The following SLC35G2 variants were observed in gnomAD, a reference collection of about 807,000 sequenced individuals.
The protein encoded by SLC35G2 is solute carrier family 35 member G2.
SLC35G2 carries 20 observed loss-of-function variants against 27.2 expected under a neutral mutation model. That is an observed-to-expected ratio of 0.74 (90% CI 0.52 to 1.07). SLC35G2 has a LOEUF of 1.07. Ranked by LOEUF, SLC35G2 falls within the 50% of genes least tolerant of loss-of-function variation. The pLI is 0.00. For missense variants in SLC35G2, 416 were observed against 493.3 expected (o/e 0.84, Z 1.48); for synonymous variants, 148 against 165.3 (o/e 0.90, Z 0.80).
chr3:136,846,915 A>G (rs956581762), intron 1 of SLC35G2, among the ~76,000 whole-genome samples: 1 of 152,170 alleles, frequency 6.6e-6, no homozygotes, highest in South Asian at 2.1e-4. Flanking sequence ...CACACCTGTA[A>G]TCCCAGTACT....
At chr3:136,835,490 G>T (rs1936842950) in intron 1 of SLC35G2, among the ~76,000 whole-genome samples, 2 of 151,884 alleles carry the variant, frequency 1.3e-5, no homozygotes, top group Non-Finnish European at 2.9e-5. Flanking sequence ...AACTTTGATG[G>T]CTTAAGGTGA....
intron 1 of SLC35G2, among the ~76,000 whole-genome samples, chr3:136,847,309 C>T (rs1937427822): frequency 6.6e-6 from 1 of 152,188 alleles, no homozygotes; most frequent in Non-Finnish European, 1.5e-5. Context: ...AATCTGTGGA[C>T]TCTAAGTCCC....
chr3:136,850,805 G>C (rs2880767), intron 1 of SLC35G2, among the ~76,000 whole-genome samples: 103,308 of 151,886 alleles, frequency 0.68, 35,412 homozygotes, highest in East Asian at 0.87. Context: ...ACCATCGTGG[G>C]CAACATGGCA....
intron 1 of SLC35G2, among the ~76,000 whole-genome samples, chr3:136,848,101 G>A (rs1389554204): frequency 6.6e-6 from 1 of 152,218 alleles, no homozygotes; most frequent in Non-Finnish European, 1.5e-5. Context: ...AAGGGCATAA[G>A]CTGTTTGGAG....
intron 1 of SLC35G2, among the ~76,000 whole-genome samples, chr3:136,836,312 C>T (rs1015666677): frequency 6.6e-6 from 1 of 152,134 alleles, no homozygotes; most frequent in African/African-American, 2.4e-5. Context: ...CTTCCATTAT[C>T]CTCGATATAT....
intron 1 of SLC35G2, among the ~76,000 whole-genome samples, chr3:136,849,194 T>TTA (rs1333496209): frequency 6.6e-6 from 1 of 151,050 alleles, no homozygotes; most frequent in East Asian, 1.9e-4. Context: ...AAAAAAAAGA[T>TTA]TATATATACA....
At chr3:136,836,174 G>C (rs1217320178) in intron 1 of SLC35G2, among the ~76,000 whole-genome samples, 1 of 151,752 alleles carries the variant, frequency 6.6e-6, no homozygotes, top group Admixed American at 6.6e-5. Flanking sequence ...ATATCTTTCT[G>C]TCCATTTATA....
chr3:136,828,321 A>G (rs2107998818), intron 1 of SLC35G2, among the ~76,000 whole-genome samples: 1 of 152,324 alleles, frequency 6.6e-6, no homozygotes, highest in Non-Finnish European at 1.5e-5. Flanking sequence ...CGATCTGTCC[A>G]ATGCTGAAAG....
chr3:136,826,035 T>TTTATC (rs879386228), intron 1 of SLC35G2, among the ~76,000 whole-genome samples: 64 of 149,134 alleles, frequency 4.3e-4, no homozygotes, highest in Non-Finnish European at 8.2e-4. Context: ...TTTTCTTTAT[T>TTTATC]TTATTTTATT....
At chr3:136,846,327 T>TA (rs1422064456) in intron 1 of SLC35G2, among the ~76,000 whole-genome samples, 1 of 152,218 alleles carries the variant, frequency 6.6e-6, no homozygotes, top group Non-Finnish European at 1.5e-5. Flanking sequence ...ATAGTCATTT[T>TA]AAGCTCTCCA....
At chr3:136,824,392 T>G (rs1206735855) in intron 1 of SLC35G2, among the ~76,000 whole-genome samples, 5 of 151,886 alleles carry the variant, frequency 3.3e-5, no homozygotes, top group Admixed American at 6.6e-5. Context: ...CCTCTTAAAT[T>G]TCTTTCACAA....
intron 1 of SLC35G2, among the ~76,000 whole-genome samples, chr3:136,836,435 C>T (rs919243535): frequency 6.6e-5 from 10 of 152,124 alleles, no homozygotes; most frequent in African/African-American, 1.2e-4. Flanking sequence ...AGTCTCTTCC[C>T]GACATAAATT....
chr3:136,837,028 G>T (rs897151673), intron 1 of SLC35G2, among the ~76,000 whole-genome samples: 1 of 152,146 alleles, frequency 6.6e-6, no homozygotes, highest in Non-Finnish European at 1.5e-5. Flanking sequence ...GATTTATGGG[G>T]TGGTAACTTA....
In SLC35G2 at chr3:136,830,104, C is replaced by CT. The variant is rs71134418; in HGVS notation, c.-19+10499dup. 5.4e-3 allele frequency among the ~76,000 whole-genome samples: 478 copies of CT among 88,770 alleles called. 7 individuals are homozygous for CT. Among genetic ancestry groups the CT allele is most frequent in the African/African-American group, 0.011 (240 of 22,714 alleles). The allele number at this position is 88,770 out of a possible 152,430, so 58.2% of individuals were successfully genotyped here. A position where few individuals can be genotyped will look rare whatever the true frequency, so the allele number is the denominator to read the frequency against. ...TAGATTTTTTAGACATACATTATTTCTTTTTTTTTTTTTTTTTTTTTTTGA... is the reference window on the plus strand; with the variant it reads ...TAGATTTTTTAGACATACATTATTTCTTTTTTTTTTTTTTTTTTTTTTTTGA... On this transcript the variant is annotated intron_variant, in intron 1 of 1. Transcript: ENST00000446465.
At chr3:136,829,411 G>A (rs1936668871) in intron 1 of SLC35G2, among the ~76,000 whole-genome samples, 1 of 151,962 alleles carries the variant, frequency 6.6e-6, no homozygotes, top group Non-Finnish European at 1.5e-5. Context: ...TTGTAGAGAC[G>A]GGGTTTCACT....
intron 1 of SLC35G2, chr3:136,842,076 T>C (rs1369788885): frequency 6.6e-6 from 1 of 152,218 alleles, no homozygotes; most frequent in Non-Finnish European, 1.5e-5. Flanking sequence ...AAAGATACTT[T>C]CCATATTTCA....
At position 136,826,200 on chromosome 3, in the gene SLC35G2, C is replaced by T. The variant is rs546768143; in HGVS notation, c.-19+6572C>T. On this transcript the variant is annotated intron_variant, in intron 1 of 1. Coordinates refer to ENST00000446465, the MANE Select transcript of SLC35G2 (RefSeq NM_025246.3). Reference sequence around the variant, plus strand: ...TACAGGTGCCCGCCACAATGCCCGGCTAATTTTTTGCATTTTTAGTAGAGA... The same window carrying T: ...TACAGGTGCCCGCCACAATGCCCGGTTAATTTTTTGCATTTTTAGTAGAGA... Among the ~76,000 whole-genome samples, 7 of 152,066 alleles carry T rather than the reference C, an allele frequency of 4.6e-5. No individual in the cohort carries two copies. In the East Asian group the frequency reaches 1.4e-3, roughly 29 times the overall value.
chr3:136,855,332 T>C lies in SLC35G2; in HGVS notation c.872T>C (p.Phe291Ser). 1 of 1,614,194 alleles carries C rather than the reference T, an allele frequency of 6.2e-7. No individual in the cohort carries two copies. Among genetic ancestry groups the C allele is most frequent in the African/African-American group, 1.3e-5 (1 of 75,038 alleles). The change falls in exon 2 of 2, where the codon TTT (phenylalanine) becomes TCT (serine). Residue 291 changes from phenylalanine to serine, a missense_variant. By Grantham distance (155) the Phe-to-Ser change is radical. Coordinates refer to ENST00000446465, the MANE Select transcript of SLC35G2 (RefSeq NM_025246.3). ...AGCATGTGGACTGCACTGTTTACTT[T>C]TGGTTGGACTGGGACAATTTGGGGA... Reference protein sequence around the residue: ...KISMWTALFTFGWTGTIWGIS... With the variant: ...KISMWTALFTSGWTGTIWGIS...
intron 1 of SLC35G2, among the ~76,000 whole-genome samples, chr3:136,825,135 T>C (rs1936553155): frequency 6.6e-6 from 1 of 152,168 alleles, no homozygotes; most frequent in Admixed American, 6.6e-5. Context: ...AGTACTGTCT[T>C]GAATAACAGT....
Sources: allele counts gnomAD v4.1 joint callset (sites outside exome capture counted in the v4.1 genomes callset), GRCh38; gene constraint gnomAD v4.1.1; transcripts MANE v1.5; gene names NCBI Gene and HGNC (gene_info 2026-07-23, HGNC 2026-07-21).